The following SKA2 variants were observed in gnomAD, a reference collection of about 807,000 sequenced individuals.
The protein encoded by SKA2 is spindle and kinetochore-associated protein 2.
In SKA2, 13 loss-of-function variants were observed where a neutral mutation model predicts 16.9. That is an observed-to-expected ratio of 0.77 (90% CI 0.50 to 1.22). SKA2 has a LOEUF of 1.22. Among genes scored for constraint, SKA2 ranks in the 50% most tolerant of loss-of-function variants. SKA2 has a pLI of 0.00. For missense variants in SKA2, 107 were observed against 139.7 expected (o/e 0.77, Z 1.18); for synonymous variants, 47 against 48.5 (o/e 0.97, Z 0.13).
intron 1 of SKA2, among the ~76,000 whole-genome samples, chr17:59,141,420 T>C (rs952051094): frequency 2.0e-5 from 3 of 150,850 alleles, no homozygotes; most frequent in Non-Finnish European, 4.4e-5. Context: ...AATAGATAAA[T>C]TGTGTAACTC....
rs7208505 is a variant in SKA2, at chr17:59,110,368, G to A, written c.*1909C>T. Reference sequence around the variant, plus strand: ...ATTATGATCTCTCCATGATACTACCGTTTTTTCAATCCCAACAATCATCAT... The same window carrying A: ...ATTATGATCTCTCCATGATACTACCATTTTTTCAATCCCAACAATCATCAT... On this transcript the variant is annotated 3_prime_UTR_variant, in exon 4 of 4. Coordinates refer to ENST00000330137, the MANE Select transcript of SKA2 (RefSeq NM_182620.4). 97,107 of 151,986 alleles carry A rather than the reference G, an allele frequency of 0.64. 31,759 individuals carry two copies. The highest frequency in any genetic ancestry group is 0.77 in the African/African-American group (31,783 of 41,464). The allele number at this position is 151,986 out of a possible 1,614,324, so 9.4% of individuals were successfully genotyped here.
chr17:59,146,344 C>T (rs1046595220), intron 1 of SKA2, among the ~76,000 whole-genome samples: 1 of 151,968 alleles, frequency 6.6e-6, no homozygotes, highest in Non-Finnish European at 1.5e-5. Context: ...ACTAAAAATA[C>T]AAAAATTAGC....
At chr17:59,144,796 G>C (rs964153000) in intron 1 of SKA2, among the ~76,000 whole-genome samples, 1 of 152,012 alleles carries the variant, frequency 6.6e-6, no homozygotes, top group African/African-American at 2.4e-5. Context: ...ATTGTATAAT[G>C]GGTATAGAGT....
At chr17:59,121,421 G>A (rs1196986174) in intron 2 of SKA2, among the ~76,000 whole-genome samples, 3 of 152,128 alleles carry the variant, frequency 2.0e-5, no homozygotes, top group Admixed American at 6.6e-5. Context: ...TTGGGAAGCC[G>A]AGACGGGTGG....
At chr17:59,116,967 C>T (rs1599657717) in intron 3 of SKA2, among the ~76,000 whole-genome samples, 1 of 151,938 alleles carries the variant, frequency 6.6e-6, no homozygotes, top group South Asian at 2.1e-4. Context: ...AGGCGTGCAA[C>T]ACCATGCCCA....
chr17:59,139,672 T>G (rs1361913985), intron 1 of SKA2, among the ~76,000 whole-genome samples: 1 of 152,066 alleles, frequency 6.6e-6, no homozygotes, highest in Non-Finnish European at 1.5e-5. Context: ...TTGTACATTT[T>G]CTTCTCTTCA....
At chr17:59,144,261 CAA>C (rs982785544) in intron 1 of SKA2, among the ~76,000 whole-genome samples, 11 of 149,904 alleles carry the variant, frequency 7.3e-5, no homozygotes, top group Non-Finnish European at 1.5e-4. Flanking sequence ...AAAAAAAAGA[CAA>C]GTGTTGGAGA....
chr17:59,113,007 A>G (rs1871751), intron 3 of SKA2, among the ~76,000 whole-genome samples: 96,840 of 151,428 alleles, frequency 0.64, 31,687 homozygotes, highest in African/African-American at 0.77. Context: ...TCAACCTCCC[A>G]TCTCAAGCAA....
chr17:59,136,335 T>C (rs1338443675), intron 1 of SKA2, among the ~76,000 whole-genome samples: 2 of 151,838 alleles, frequency 1.3e-5, no homozygotes, highest in Non-Finnish European at 2.9e-5. Flanking sequence ...GCTCATTTTT[T>C]GTATTTTTAG....
chr17:59,119,992 T>C (rs2046321760), intron 2 of SKA2, among the ~76,000 whole-genome samples: 2 of 151,690 alleles, frequency 1.3e-5, no homozygotes. Context: ...CACTGCAAGC[T>C]TCACCTCCCA....
intron 2 of SKA2, among the ~76,000 whole-genome samples, chr17:59,126,967 A>G (rs2046376341): frequency 1.3e-5 from 2 of 152,256 alleles, no homozygotes; most frequent in Non-Finnish European, 2.9e-5. Flanking sequence ...GCTACACTAT[A>G]TATGAATCTT....
chr17:59,133,034 G>GT (rs1202898612), intron 1 of SKA2, among the ~76,000 whole-genome samples: 1 of 152,148 alleles, frequency 6.6e-6, no homozygotes, highest in African/African-American at 2.4e-5. Context: ...CTGAAGTGTT[G>GT]TGGCACCATC....
chr17:59,140,204 T>C (rs1281205059), intron 1 of SKA2, among the ~76,000 whole-genome samples: 1 of 151,460 alleles, frequency 6.6e-6, no homozygotes, highest in Non-Finnish European at 1.5e-5. Flanking sequence ...AGCAAGGGCT[T>C]CAGGTTCATC....
intron 1 of SKA2, chr17:59,151,646 T>A (rs867641348): frequency 4.3e-5 from 7 of 164,366 alleles, no homozygotes; most frequent in African/African-American, 1.7e-4. Context: ...AAACAAGCCC[T>A]TTGAATAAAA....
intron 1 of SKA2, among the ~76,000 whole-genome samples, chr17:59,154,215 T>C (rs1264755323): frequency 6.8e-6 from 1 of 146,402 alleles, no homozygotes; most frequent in Admixed American, 6.8e-5. Context: ...AAGATAATGC[T>C]GAACGAAAAG....
rs2046252576 is a variant in SKA2 at position 59,109,860 on chromosome 17, C to T, written c.*2417G>A. 6.6e-6 allele frequency: 1 copy of T among 152,220 alleles called. No homozygotes were observed. Among genetic ancestry groups the T allele is most frequent in the Admixed American group, 6.5e-5 (1 of 15,284 alleles). 9.4% of individuals were successfully genotyped at this position (152,220 alleles called of 1,614,324 possible). On this transcript the variant is annotated 3_prime_UTR_variant, in exon 4 of 4. Coordinates refer to ENST00000330137, the MANE Select transcript of SKA2 (RefSeq NM_182620.4). ...TTAAGACATAAAGACACTATAGTCA[C>T]ATAGGAGAAAACAATTATAATCCAA...
chr17:59,121,786 G>A (rs1352680119), intron 2 of SKA2, among the ~76,000 whole-genome samples: 5 of 56,580 alleles, frequency 8.8e-5, no homozygotes, highest in African/African-American at 3.6e-4. Context: ...CCGTCTCTAC[G>A]AAAATACAAA....
chr17:59,134,231 A>G (rs148447832), intron 1 of SKA2, among the ~76,000 whole-genome samples: 1 of 152,212 alleles, frequency 6.6e-6, no homozygotes, highest in Admixed American at 6.5e-5. Flanking sequence ...AGAGCAAATC[A>G]AAGTTAACAA....
At chr17:59,154,789 C>T (rs955346917) in intron 1 of SKA2, among the ~76,000 whole-genome samples, 4 of 152,158 alleles carry the variant, frequency 2.6e-5, no homozygotes, top group Non-Finnish European at 5.9e-5. Flanking sequence ...GCTTAGGGAC[C>T]GTTCCATTCA....
Sources: allele counts gnomAD v4.1 joint callset (sites outside exome capture counted in the v4.1 genomes callset), GRCh38; gene constraint gnomAD v4.1.1; transcripts MANE v1.5; gene names NCBI Gene and HGNC (gene_info 2026-07-23, HGNC 2026-07-21).